ECHDC2: variants seen among roughly 807,000 people sequenced by gnomAD.
ECHDC2 encodes enoyl-CoA hydratase domain containing 2.
ECHDC2 carries 34 observed loss-of-function variants against 40.6 expected under a neutral mutation model. The observed-to-expected ratio is 0.84, with a 90% CI of 0.64 to 1.11. ECHDC2 has a LOEUF of 1.11. Among genes scored for constraint, ECHDC2 ranks in the 50% most tolerant of loss-of-function variants. The pLI, the probability that ECHDC2 is intolerant of heterozygous loss-of-function variation, is 0.00. For synonymous variants in ECHDC2, 162 were observed against 166.6 expected (o/e 0.97, Z 0.21); for missense variants, 392 against 400.7 (o/e 0.98, Z 0.19).
intron 7 of ECHDC2, among the ~76,000 whole-genome samples, chr1:52,903,332 T>G (rs1647108880): frequency 6.6e-6 from 1 of 152,148 alleles, no homozygotes; most frequent in South Asian, 2.1e-4. Flanking sequence ...TAGTGGTGAT[T>G]TCTAAGATTT....
rs778437438 is a variant in ECHDC2 at position 52,905,041 on chromosome 1, C to T, written c.507G>A (p.Pro169=). ...TGCTGTAGTTGCGATTACCTGCCCC[C>T]GGGAGGAGCCCTCGCGTGGTCTCAA... ...GLIETTRGLL[P]GAGGTQRLPR... Residue 169 remains proline, a synonymous_variant, in exon 6 of 10, where the codon CCG becomes CCA. Transcript: ENST00000371522. 1.8e-5 allele frequency: 29 copies of T among 1,614,048 alleles called. No homozygotes were observed. The highest frequency in any genetic ancestry group is 1.6e-4 in the Middle Eastern group (1 of 6,076).
chr1:52,897,306 G>A, intron 9 of ECHDC2, 131 bp downstream of exon 9: 2 of 935,218 alleles, frequency 2.1e-6, no homozygotes, highest in South Asian at 2.7e-5. Context: ...GGTGACTTAT[G>A]AGGGACGATG....
chr1:52,917,273 T>A (rs1354561004), intron 1 of ECHDC2, among the ~76,000 whole-genome samples: 1 of 149,374 alleles, frequency 6.7e-6, no homozygotes, highest in East Asian at 2.0e-4. Flanking sequence ...GAACAACTGA[T>A]TTAACAACAC....
At chr1:52,903,821 CTT>C (rs565248267) in intron 7 of ECHDC2, among the ~76,000 whole-genome samples, 10 of 144,680 alleles carry the variant, frequency 6.9e-5, no homozygotes, top group East Asian at 2.1e-4. Context: ...TTCTTTCTTT[CTT>C]TTTTTTTTTT....
At chr1:52,920,562 G>A in intron 1 of ECHDC2, 1 of 1,368,572 alleles carries the variant, frequency 7.3e-7, no homozygotes, top group Non-Finnish European at 1.0e-6. Flanking sequence ...GGGGCCCTTG[G>A]CCACAAGTGG....
intron 3 of ECHDC2, among the ~76,000 whole-genome samples, chr1:52,909,660 T>C (rs1410570013): frequency 6.6e-6 from 1 of 152,250 alleles, no homozygotes; most frequent in East Asian, 1.9e-4. Context: ...ATGGACAAGC[T>C]TGCTCTAAAT....
chr1:52,920,395 G>A (rs1572012798), intron 1 of ECHDC2: 3 of 746,144 alleles, frequency 4.0e-6, no homozygotes, highest in East Asian at 2.7e-5. Flanking sequence ...GGGAAGGGGC[G>A]GCAGGCGCCA....
In ECHDC2 at chr1:52,911,795, A is replaced by C. The variant is rs1471549940; in HGVS notation, c.122-5T>G. On this transcript the variant is annotated splice_region_variant and splice_polypyrimidine_tract_variant and intron_variant, in intron 1 of 9. Coordinates refer to ENST00000371522, the MANE Select transcript of ECHDC2 (RefSeq NM_001198961.2). ...TCATCAGAATCTCAGTGATCCCTGT[A>C]AGGAGTCAGGGCAGCCACGGGAAAG... is the stretch of plus-strand genomic sequence containing the variant. 1 of 1,613,804 alleles carries C rather than the reference A, an allele frequency of 6.2e-7. No individual in the cohort carries two copies. Among genetic ancestry groups the C allele is most frequent in the Admixed American group, 1.7e-5 (1 of 60,020 alleles).
intron 5 of ECHDC2, chr1:52,905,366 G>T: frequency 3.8e-6 from 2 of 522,236 alleles, no homozygotes; most frequent in South Asian, 2.6e-5. Context: ...AAGATGGCTG[G>T]CCCTCTTCTG....
chr1:52,902,188 G>A (rs1342382615), intron 7 of ECHDC2: 1 of 152,158 alleles, frequency 6.6e-6, no homozygotes, highest in Non-Finnish European at 1.5e-5. Context: ...ACAGAATCTT[G>A]CTCTGTCACT....
chr1:52,907,827 A>AC (rs755038223), intron 4 of ECHDC2, 41 bp downstream of exon 4: 292 of 1,506,210 alleles, frequency 1.9e-4, no homozygotes, highest in Admixed American at 1.6e-3. Context: ...ATCGGCAGGG[A>AC]CCCCCAAACC....
rs150881278 is a variant in ECHDC2 at position 52,910,747 on chromosome 1, A to G, written c.277+819T>C. ...ACAGGCAGAGTCAGCAAGGTCCAAGAAGGCTGAGAGGTCAAAGGTCAAGTA... is the reference window on the plus strand; with the variant it reads ...ACAGGCAGAGTCAGCAAGGTCCAAGGAGGCTGAGAGGTCAAAGGTCAAGTA... On this transcript the variant is annotated intron_variant, in intron 3 of 9. Transcript: ENST00000371522. Among the ~76,000 whole-genome samples the G allele has an allele frequency of 5.2e-3, 786 of 152,330 alleles. 6 individuals carry two copies. Among genetic ancestry groups the G allele is most frequent in the African/African-American group, 0.018 (758 of 41,570 alleles).
chr1:52,900,814 C>G (rs1279219798), intron 7 of ECHDC2: 2 of 152,154 alleles, frequency 1.3e-5, no homozygotes, highest in East Asian at 3.8e-4. Flanking sequence ...CTCCTCTGTT[C>G]TTTTAGATTT....
In ECHDC2 at chr1:52,920,906, C is replaced by T. The variant is rs184787398; in HGVS notation, c.121+647G>A. Among the ~76,000 whole-genome samples, 54 of 152,362 alleles carry T rather than the reference C, an allele frequency of 3.5e-4. 1 individual carries two copies. The East Asian group carries it at 9.3e-3, about 26-fold the overall frequency. On this transcript the variant is annotated intron_variant, in intron 1 of 9. Transcript: ENST00000371522. ...GGACTGAGGAGCGTTATCAGCACCA[C>T]TGAATGCTCCAGAAGTTCAAACAAC...
intron 1 of ECHDC2, among the ~76,000 whole-genome samples, chr1:52,916,118 C>G (rs898804792): frequency 6.6e-6 from 1 of 152,166 alleles, no homozygotes; most frequent in African/African-American, 2.4e-5. Context: ...CCTGGCAAGA[C>G]CTGAAGCAGA....
chr1:52,918,921 A>C (rs1030596017), intron 1 of ECHDC2, among the ~76,000 whole-genome samples: 2 of 152,154 alleles, frequency 1.3e-5, no homozygotes, highest in Non-Finnish European at 2.9e-5. Flanking sequence ...ACAGGAGATG[A>C]GCAGCTTCAT....
chr1:52,917,817 G>A lies in ECHDC2; in HGVS notation c.121+3736C>T, dbSNP rs181345048. Among the ~76,000 whole-genome samples, 7 of 152,274 alleles carry A rather than the reference G, an allele frequency of 4.6e-5. No homozygotes were observed. In the East Asian group the frequency reaches 1.4e-3, roughly 29 times the overall value. ...CTCAAATGCTGGTGGTGAGGCTGGT[G>A]TAAACTAGCTTGCTTTACCAGTTAT... On this transcript the variant is annotated intron_variant, in intron 1 of 9. Transcript: ENST00000371522.
chr1:52,912,093 G>A (rs1649656641), intron 1 of ECHDC2: 1 of 1,299,052 alleles, frequency 7.7e-7, no homozygotes, highest in Non-Finnish European at 9.9e-7. Flanking sequence ...GCTGTTGTTA[G>A]ACAGACAGAC....
At chr1:52,902,284 G>A (rs1053695725) in intron 7 of ECHDC2, among the ~76,000 whole-genome samples, 1 of 152,184 alleles carries the variant, frequency 6.6e-6, no homozygotes, top group Non-Finnish European at 1.5e-5. Flanking sequence ...AGCCTCCTGA[G>A]TAGCTGTAAT....
Sources: allele counts gnomAD v4.1 joint callset (sites outside exome capture counted in the v4.1 genomes callset), GRCh38; gene constraint gnomAD v4.1.1; transcripts MANE v1.5; gene names NCBI Gene and HGNC (gene_info 2026-07-23, HGNC 2026-07-21).